MYOM1: variants seen among roughly 807,000 people sequenced by gnomAD.
The protein encoded by MYOM1 is myomesin-1.
Under a neutral mutation model 205.3 loss-of-function variants are expected in MYOM1, and 164 were observed. That is an observed-to-expected ratio of 0.80 (90% CI 0.70 to 0.91). MYOM1 has a LOEUF of 0.91. MYOM1 is among the 40% of genes least tolerant of loss of function. MYOM1 has a pLI of 0.00. For synonymous variants in MYOM1, 772 were observed against 789.4 expected, an observed-to-expected ratio of 0.98 and a Z score of 0.37; for missense variants, 2,011 against 2,127.3, an observed-to-expected ratio of 0.95 and a Z score of 1.08.
chr18:3,245,267 G>A, the MYOM1 span, among the ~76,000 whole-genome samples: 1 of 152,142 alleles, frequency 6.6e-6, no homozygotes, highest in African/African-American at 2.4e-5. Flanking sequence ...TATGAGTATT[G>A]GTCAAAAGAT....
chr18:3,165,096 T>C (rs2080449219), intron 9 of MYOM1, among the ~76,000 whole-genome samples: 1 of 152,210 alleles, frequency 6.6e-6, no homozygotes, highest in South Asian at 2.1e-4. Flanking sequence ...CAACATTGGG[T>C]TAACTTTCTG....
rs560737120 is a variant in MYOM1 at position 3,086,032 on chromosome 18, G to A, written c.4251+6C>T. 5.6e-5 allele frequency: 86 copies of A among 1,541,392 alleles called. No homozygotes were observed. The highest frequency in any genetic ancestry group is 1.5e-4 in the African/African-American group (11 of 73,610). ...TATATTACATTTTACATTTATAATC[G>A]CCTACCTCTGTTATAAGCAGGGTAC... On this transcript the variant is annotated splice_donor_region_variant and intron_variant, in intron 30 of 37. Transcript: ENST00000356443.
chr18:3,232,470 T>C, the MYOM1 span, among the ~76,000 whole-genome samples: 1 of 152,114 alleles, frequency 6.6e-6, no homozygotes, highest in Admixed American at 6.5e-5. Flanking sequence ...GTGGGAAGAC[T>C]TGGGAGCAAT....
intron 23 of MYOM1, 29 bp downstream of exon 23, chr18:3,102,445 C>T (rs763586274): frequency 6.4e-7 from 1 of 1,569,838 alleles, no homozygotes; most frequent in South Asian, 1.2e-5. Context: ...GAAAAGGAAA[C>T]CCATGATTGT....
chr18:3,089,632 T>C, intron 27 of MYOM1, 36 bp from the exon 28 acceptor site: 1 of 1,562,902 alleles, frequency 6.4e-7, no homozygotes, highest in Non-Finnish European at 8.7e-7. Context: ...TGAAATTGAG[T>C]TGGGTGGTAT....
At chr18:3,243,080 G>A in the MYOM1 span, among the ~76,000 whole-genome samples, 37 of 151,976 alleles carry the variant, frequency 2.4e-4, no homozygotes, top group Admixed American at 1.8e-3. Context: ...TGATAATTCT[G>A]ACTAAAGTTT....
At chr18:3,103,095 G>A (rs535240831) in intron 22 of MYOM1, among the ~76,000 whole-genome samples, 7 of 152,244 alleles carry the variant, frequency 4.6e-5, no homozygotes, top group Non-Finnish European at 8.8e-5. Context: ...CATCAGGGAA[G>A]GATAGAGATG....
chr18:3,155,783 AG>A (rs1301968534), intron 10 of MYOM1, among the ~76,000 whole-genome samples: 1 of 152,216 alleles, frequency 6.6e-6, no homozygotes, highest in Non-Finnish European at 1.5e-5. Context: ...AAGGCTCCCA[AG>A]GGAGACAAAT....
At chr18:3,182,942 T>G (rs1041724025) in intron 5 of MYOM1, among the ~76,000 whole-genome samples, 1 of 144,674 alleles carries the variant, frequency 6.9e-6, no homozygotes, top group Non-Finnish European at 1.5e-5. Flanking sequence ...TTTTTTTTTT[T>G]GAGACAGAGT....
rs1300048959 is a variant in MYOM1 at position 3,127,299 on chromosome 18, ATATATATTTTTTT to A, written c.2795-415_2795-403del. ...AGAATTTCCATATATATATATATATATATATATTTTTTTTTTTTTTTTTTTTGAGCTGGGGTTT... is the reference window on the plus strand; with the variant it reads ...AGAATTTCCATATATATATATATATATTTTTTTTTTTTTGAGCTGGGGTTT... On this transcript the variant is annotated intron_variant, in intron 18 of 37. Transcript: ENST00000356443. Among the ~76,000 whole-genome samples, 107 of 49,890 alleles carry A rather than the reference ATATATATTTTTTT, an allele frequency of 2.1e-3. 1 individual carries two copies. Among genetic ancestry groups the A allele is most frequent in the African/African-American group, 7.7e-3 (83 of 10,830 alleles). 32.7% of individuals were successfully genotyped at this position (49,890 alleles called of 152,430 possible).
At chr18:3,102,386 T>G (rs907486898) in intron 23 of MYOM1, 88 bp downstream of exon 23, 1 of 1,293,750 alleles carries the variant, frequency 7.7e-7, no homozygotes, top group Non-Finnish European at 1.1e-6. Flanking sequence ...CATCCTCTTA[T>G]TCCAAGCAAT....
At chr18:3,235,458 T>C in the MYOM1 span, among the ~76,000 whole-genome samples, 1 of 152,230 alleles carries the variant, frequency 6.6e-6, no homozygotes, top group African/African-American at 2.4e-5. Context: ...TTAAAATGTA[T>C]GCATGGCATC....
the MYOM1 span, among the ~76,000 whole-genome samples, chr18:3,243,538 ACTAG>A: frequency 6.6e-6 from 1 of 152,200 alleles, no homozygotes. Flanking sequence ...TGGGCCACTT[ACTAG>A]CTATGTGCAC....
At chr18:3,079,435 TGTAGGCTTTC>T in intron 33 of MYOM1, 93 bp from the exon 34 acceptor site, 1 of 1,392,712 alleles carries the variant, frequency 7.2e-7, no homozygotes, top group African/African-American at 1.5e-5. Context: ...CATAAAGTTT[TGTAGGCTTTC>T]AAAAAACGAG....
chr18:3,209,824 GCT>G lies in MYOM1; in HGVS notation c.290+5108_290+5109del, dbSNP rs1242781696. On this transcript the variant is annotated intron_variant, in intron 2 of 37. Transcript: ENST00000356443. The surrounding 1 kb of genome is among the most constrained non-coding windows in gnomAD (Gnocchi z 4.0). ...CCATGTCCCTGATCTCTCTTACCCT[GCT>G]CTGTTTCTTATTGTTTCTATAACAT... Among the ~76,000 whole-genome samples the G allele has an allele frequency of 6.6e-6, 1 of 152,118 alleles. No individual in the cohort carries two copies. The highest frequency in any genetic ancestry group is 2.4e-5 in the African/African-American group (1 of 41,418).
chr18:3,113,026 A>C (rs1208378042), intron 21 of MYOM1, among the ~76,000 whole-genome samples: 1 of 152,128 alleles, frequency 6.6e-6, no homozygotes, highest in East Asian at 1.9e-4. Context: ...TGAATAACCA[A>C]AGTGTATTAA....
intron 10 of MYOM1, among the ~76,000 whole-genome samples, chr18:3,162,089 T>G (rs912195738): frequency 6.6e-6 from 1 of 152,210 alleles, no homozygotes; most frequent in Non-Finnish European, 1.5e-5. Context: ...GTAAGAGAGA[T>G]AAAAATGAGC....
intron 26 of MYOM1, among the ~76,000 whole-genome samples, chr18:3,091,331 T>C (rs765884518): frequency 9.4e-5 from 14 of 149,132 alleles, no homozygotes; most frequent in Admixed American, 8.7e-4. Context: ...AAAAAAAACA[T>C]TGAAAAATTG....
intron 20 of MYOM1, among the ~76,000 whole-genome samples, chr18:3,117,055 C>T (rs1182066025): frequency 6.6e-6 from 1 of 152,080 alleles, no homozygotes; most frequent in Non-Finnish European, 1.5e-5. Flanking sequence ...TAGGGTCTTG[C>T]TGTGTTGACC....
Sources: allele counts gnomAD v4.1 joint callset (sites outside exome capture counted in the v4.1 genomes callset), GRCh38; gene constraint gnomAD v4.1.1; non-coding constraint Gnocchi (gnomAD v3.1); transcripts MANE v1.5; gene names NCBI Gene and HGNC (gene_info 2026-07-23, HGNC 2026-07-21).